Variants in MKX observed in about 807,000 individuals in gnomAD.
The protein encoded by MKX is homeobox protein Mohawk.
Under a neutral mutation model 36.0 loss-of-function variants are expected in MKX, and 13 were observed. That is an observed-to-expected ratio of 0.36 (90% CI 0.24 to 0.57). MKX has a LOEUF of 0.57. Ranked by LOEUF, MKX falls within the 20% of genes least tolerant of loss-of-function variation. MKX has a pLI of 0.79. For synonymous variants in MKX, 176 were observed against 178.3 expected (o/e 0.99, Z 0.10); for missense variants, 458 against 456.4 (o/e 1.00, Z -0.03).
intron 5 of MKX, among the ~76,000 whole-genome samples, chr10:27,683,128 G>C (rs1836285474): frequency 6.6e-6 from 1 of 152,216 alleles, no homozygotes; most frequent in South Asian, 2.1e-4. Context: ...GTGAGCGATG[G>C]GGGAGCAGCT....
chr10:27,709,888 A>G (rs897847966), intron 5 of MKX, among the ~76,000 whole-genome samples: 1 of 152,260 alleles, frequency 6.6e-6, no homozygotes, highest in African/African-American at 2.4e-5. Flanking sequence ...CACTTACAGT[A>G]GAAAGAAAAA....
chr10:27,729,845 AC>A (rs1242104775), intron 5 of MKX, among the ~76,000 whole-genome samples: 1 of 152,042 alleles, frequency 6.6e-6, no homozygotes, highest in Non-Finnish European at 1.5e-5. Flanking sequence ...TCCAGTGAGA[AC>A]CCACTCTGTA....
At chr10:27,682,575 C>T (rs923792204) in intron 5 of MKX, among the ~76,000 whole-genome samples, 6 of 152,150 alleles carry the variant, frequency 3.9e-5, no homozygotes, top group Non-Finnish European at 8.8e-5. Flanking sequence ...CTTTTTGGCA[C>T]CAGGGCCTGG....
chr10:27,705,592 C>A (rs534627464), intron 5 of MKX, among the ~76,000 whole-genome samples: 90 of 152,280 alleles, frequency 5.9e-4, no homozygotes, highest in Non-Finnish European at 1.1e-3. Flanking sequence ...TGGCCCCAAG[C>A]AATCCTATCA....
Position 27,673,451 on chromosome 10 carries a change from T to C in MKX, c.*1778A>G, listed in dbSNP as rs917195969. On this transcript the variant is annotated 3_prime_UTR_variant, in exon 7 of 7. Coordinates refer to ENST00000419761, the MANE Select transcript of MKX (RefSeq NM_173576.3). Reference sequence around the variant, plus strand: ...GTGAAGTATTTGTCTTTAGTTTTCATTGACATGCTCACATTTTGGCATTTT... The same window carrying C: ...GTGAAGTATTTGTCTTTAGTTTTCACTGACATGCTCACATTTTGGCATTTT... 9 of 152,612 alleles carry C rather than the reference T, an allele frequency of 5.9e-5. No homozygotes were observed. Among genetic ancestry groups the C allele is most frequent in the South Asian group, 2.1e-4 (1 of 4,836 alleles). The allele number at this position is 152,612 out of a possible 1,614,324, so 9.5% of individuals were successfully genotyped here.
chr10:27,725,147 T>C (rs900615528), intron 5 of MKX, among the ~76,000 whole-genome samples: 4 of 152,182 alleles, frequency 2.6e-5, no homozygotes, highest in Admixed American at 2.6e-4. Context: ...AAGTGAACAT[T>C]TTCAGGGACT....
At chr10:27,732,578 T>C (rs1834656089) in intron 5 of MKX, among the ~76,000 whole-genome samples, 1 of 152,174 alleles carries the variant, frequency 6.6e-6, no homozygotes, top group Non-Finnish European at 1.5e-5. Context: ...AAGAGTCAAC[T>C]CTTATTTATT....
At chr10:27,728,578 A>G (rs1179187968) in intron 5 of MKX, among the ~76,000 whole-genome samples, 1 of 152,212 alleles carries the variant, frequency 6.6e-6, no homozygotes, top group African/African-American at 2.4e-5. Flanking sequence ...TGCACATAGG[A>G]GCAGCACCTC....
chr10:27,699,120 A>C (rs930022287), intron 5 of MKX, among the ~76,000 whole-genome samples: 1 of 152,244 alleles, frequency 6.6e-6, no homozygotes, highest in Non-Finnish European at 1.5e-5. Flanking sequence ...TAGTTTCCTT[A>C]AGCGAAGAAA....
intron 5 of MKX, among the ~76,000 whole-genome samples, chr10:27,679,132 G>A (rs1451772782): frequency 2.6e-5 from 4 of 152,024 alleles, no homozygotes; most frequent in African/African-American, 7.3e-5. Context: ...GAGGTGGGGG[G>A]CTGGGGGAGG....
intron 5 of MKX, among the ~76,000 whole-genome samples, chr10:27,698,409 G>T (rs945165881): frequency 6.6e-6 from 1 of 152,184 alleles, no homozygotes; most frequent in Non-Finnish European, 1.5e-5. Context: ...GGGGAGATGC[G>T]AGGAGTCCTG....
rs759513838 is a variant in MKX, at chr10:27,734,741, G to C, written c.553C>G (p.Pro185Ala). 6 of 1,614,018 alleles carry C rather than the reference G, an allele frequency of 3.7e-6. No homozygotes were observed. In the Admixed American group the frequency reaches 1.0e-4, roughly 27 times the overall value. The change falls in exon 5 of 7, where the codon CCA (proline) becomes GCA (alanine). Residue 185 changes from proline to alanine, a missense_variant. Coordinates refer to ENST00000419761, the MANE Select transcript of MKX (RefSeq NM_173576.3). ...THMNEGGYNT[P>A]VHHPVIKSEN... ...CTTTTAATCACAGGATGGTGAACTG[G>C]GGTATTATAGCCCCCTTCGTTCATG... is the stretch of plus-strand genomic sequence containing the variant.
intron 3 of MKX, among the ~76,000 whole-genome samples, chr10:27,735,746 A>T (rs1834754498): frequency 6.6e-6 from 1 of 152,240 alleles, no homozygotes; most frequent in Non-Finnish European, 1.5e-5. Flanking sequence ...TTACTTTCAT[A>T]TATGACTCCA....
intron 5 of MKX, among the ~76,000 whole-genome samples, chr10:27,714,753 C>T (rs190337726): frequency 3.5e-4 from 54 of 152,306 alleles, no homozygotes; most frequent in African/African-American, 1.2e-3. Flanking sequence ...GTACATATAA[C>T]AAAACGATTT....
Position 27,674,567 on chromosome 10 carries a change from C to T in MKX, c.*662G>A, listed in dbSNP as rs1836106467. ...CTTGAAAAAAAGTTTTCCTGGTCAC[C>T]ATGTGTTCAATGAAATTTTAAATTA... On this transcript the variant is annotated 3_prime_UTR_variant, in exon 7 of 7. Transcript: ENST00000419761. 1 of 152,228 alleles carries T rather than the reference C, an allele frequency of 6.6e-6. No homozygotes were observed. Among genetic ancestry groups the T allele is most frequent in the Non-Finnish European group, 1.5e-5 (1 of 68,006 alleles). 9.4% of individuals were successfully genotyped at this position (152,228 alleles called of 1,614,324 possible). A position where few individuals can be genotyped will look rare whatever the true frequency, so the allele number is the denominator to read the frequency against.
At chr10:27,702,876 A>C (rs1302093941) in intron 5 of MKX, among the ~76,000 whole-genome samples, 1 of 152,202 alleles carries the variant, frequency 6.6e-6, no homozygotes. Context: ...CTGAAACACC[A>C]CAAAATAACA....
intron 5 of MKX, among the ~76,000 whole-genome samples, chr10:27,698,174 A>T (rs1021646095): frequency 6.6e-6 from 1 of 152,150 alleles, no homozygotes; most frequent in Non-Finnish European, 1.5e-5. Flanking sequence ...GAGAATATGA[A>T]AGGGCAGCTG....
At chr10:27,720,566 T>C (rs1393205067) in intron 5 of MKX, among the ~76,000 whole-genome samples, 2 of 152,194 alleles carry the variant, frequency 1.3e-5, no homozygotes, top group Non-Finnish European at 2.9e-5. Flanking sequence ...AGCAGTTTGT[T>C]GTAAATGCAA....
intron 5 of MKX, among the ~76,000 whole-genome samples, chr10:27,682,270 G>A (rs145358716): frequency 1.1e-4 from 16 of 152,310 alleles, no homozygotes; most frequent in African/African-American, 3.8e-4. Flanking sequence ...TAAGCTAAGT[G>A]TTATTACAAG....
Sources: gnomAD v4.1 joint callset for allele counts (sites outside exome capture counted in the v4.1 genomes callset) on GRCh38, gnomAD v4.1.1 for gene constraint, MANE v1.5 for transcripts, NCBI Gene and HGNC (gene_info 2026-07-23, HGNC 2026-07-21) for gene names.